The following SLC17A3 variants were observed in gnomAD, a reference collection of about 807,000 sequenced individuals.
SLC17A3 encodes solute carrier family 17 member 3.
In SLC17A3, 61 loss-of-function variants were observed where a neutral mutation model predicts 60.3. That is an observed-to-expected ratio of 1.01 (90% CI 0.82 to 1.25). SLC17A3 has a LOEUF of 1.25. Among genes scored for constraint, SLC17A3 ranks in the 50% most tolerant of loss-of-function variants. The pLI is 0.00. For synonymous variants in SLC17A3, 192 were observed against 208.9 expected (o/e 0.92, Z 0.70); for missense variants, 624 against 594.9 (o/e 1.05, Z -0.51).
At chr6:25,852,970 G>A (rs977541818) in intron 6 of SLC17A3, among the ~76,000 whole-genome samples, 1 of 152,078 alleles carries the variant, frequency 6.6e-6, no homozygotes, top group Non-Finnish European at 1.5e-5. Context: ...TAAATTATGT[G>A]GAAATAGTTT....
chr6:25,871,389 A>C (rs545431448), intron 1 of SLC17A3, among the ~76,000 whole-genome samples: 2 of 151,882 alleles, frequency 1.3e-5, no homozygotes, highest in South Asian at 4.2e-4. Context: ...TATCGCAAGG[A>C]CAAAAAACCA....
At chr6:25,861,558 G>C (rs1450078508) in intron 5 of SLC17A3, 66 bp downstream of exon 5, 3 of 1,295,182 alleles carry the variant, frequency 2.3e-6, no homozygotes, top group Non-Finnish European at 2.2e-6. Context: ...GCAATGAAAA[G>C]TTGTCAAGGA....
chr6:25,864,836 G>A (rs931575155), intron 2 of SLC17A3, among the ~76,000 whole-genome samples: 2 of 151,980 alleles, frequency 1.3e-5, no homozygotes, highest in South Asian at 2.1e-4. Flanking sequence ...TTGGGAAATT[G>A]AAATAAATAG....
chr6:25,857,305 G>C (rs1765373398), intron 5 of SLC17A3, among the ~76,000 whole-genome samples: 1 of 151,388 alleles, frequency 6.6e-6, no homozygotes, highest in Admixed American at 6.6e-5. Flanking sequence ...TTTGTGAACT[G>C]TCTGTTCATA....
intron 1 of SLC17A3, among the ~76,000 whole-genome samples, chr6:25,872,317 G>A (rs1372149884): frequency 1.5e-5 from 2 of 134,024 alleles, no homozygotes; most frequent in Non-Finnish European, 1.5e-5. Flanking sequence ...GCCATAATAC[G>A]AGCTTTAACG....
At chr6:25,850,253 A>C (rs771881676) in intron 8 of SLC17A3, 76 bp from the exon 9 acceptor site, 62 of 1,472,602 alleles carry the variant, frequency 4.2e-5, no homozygotes, top group Middle Eastern at 1.7e-4. Flanking sequence ...ATTACTACTA[A>C]TAATAATGAC....
intron 5 of SLC17A3, among the ~76,000 whole-genome samples, chr6:25,856,691 C>T (rs1173006121): frequency 6.6e-6 from 1 of 151,574 alleles, no homozygotes; most frequent in Non-Finnish European, 1.5e-5. Flanking sequence ...ATTAAAAATA[C>T]AAAAAATTAG....
chr6:25,859,205 T>C (rs1780966), intron 5 of SLC17A3, among the ~76,000 whole-genome samples: 36,950 of 152,050 alleles, frequency 0.24, 4,672 homozygotes, highest in African/African-American at 0.3. Flanking sequence ...TATCTTTGAA[T>C]ATAGATATAA....
rs151018667 is a variant in SLC17A3, at chr6:25,849,866, A to G, written c.1210T>C (p.Cys404Arg). The change falls in exon 10 of 13, where the codon TGC becomes CGC. Residue 404 changes from cysteine (C) to arginine (R), a missense_variant. Physicochemically the swap from Cys to Arg is radical, Grantham distance 180. Coordinates refer to ENST00000397060, the MANE Select transcript of SLC17A3 (RefSeq NM_001098486.2). ...ITATALLTLS[C>R]GLSTLCQSGI... ...GACTGACACAATGTGCTTAATCCGC[A>G]AGAGAGCGTCAGCAAGGCAGTTGCT... is the stretch of plus-strand genomic sequence containing the variant. The G allele has an allele frequency of 1.2e-6, 2 of 1,614,112 alleles. No homozygotes were observed. The highest frequency in any genetic ancestry group is 1.7e-6 in the Non-Finnish European group (2 of 1,179,916).
At position 25,845,300 on chromosome 6, in the gene SLC17A3, T is replaced by G; in HGVS notation, c.*3-2A>C. The G allele has an allele frequency of 6.4e-7, 1 of 1,555,694 alleles. No individual in the cohort carries two copies. The highest frequency in any genetic ancestry group is 2.2e-5 in the East Asian group (1 of 44,522). ...ACTTTTCCATCCAAGGTGGGATAACTAAGAAAGGAAAATGATATAGAATTT... is the reference window on the plus strand; with the variant it reads ...ACTTTTCCATCCAAGGTGGGATAACGAAGAAAGGAAAATGATATAGAATTT... On this transcript the variant is annotated splice_acceptor_variant, in intron 12 of 12. Coordinates refer to ENST00000397060, the MANE Select transcript of SLC17A3 (RefSeq NM_001098486.2). LOFTEE classifies it low-confidence loss of function (3UTR_SPLICE).
At chr6:25,863,388 G>A (rs1179473913) in intron 2 of SLC17A3, among the ~76,000 whole-genome samples, 1 of 151,990 alleles carries the variant, frequency 6.6e-6, no homozygotes, top group Non-Finnish European at 1.5e-5. Context: ...AATTTGAAGA[G>A]CAAATAAAAT....
At chr6:25,869,798 T>C (rs1765611486) in intron 1 of SLC17A3, among the ~76,000 whole-genome samples, 1 of 151,986 alleles carries the variant, frequency 6.6e-6, no homozygotes, top group South Asian at 2.1e-4. Flanking sequence ...GGGTATTATG[T>C]GGACCACAAT....
At chr6:25,864,232 C>T (rs886867968) in intron 2 of SLC17A3, among the ~76,000 whole-genome samples, 1 of 151,856 alleles carries the variant, frequency 6.6e-6, no homozygotes, top group African/African-American at 2.4e-5. Flanking sequence ...ATCATGAGGC[C>T]TGAATTGTTC....
At chr6:25,859,213 T>C (rs550794356) in intron 5 of SLC17A3, among the ~76,000 whole-genome samples, 1 of 152,260 alleles carries the variant, frequency 6.6e-6, no homozygotes, top group Admixed American at 6.5e-5. Flanking sequence ...AATATAGATA[T>C]AAAAGGATAT....
chr6:25,845,398 T>C lies in SLC17A3; in HGVS notation c.1481A>G (p.Lys494Arg). The change falls in exon 12 of 13, where the codon AAA (lysine) becomes AGA (arginine). Residue 494 changes from lysine to arginine, a missense_variant. Transcript: ENST00000397060. ...ADVQEWAKER[K>R]LTRL ...CCTTTACCTTCATAAACGAGTGAGT[T>C]TTCTCTCTTTAGCCCATTCTTGGAC... 6.2e-7 allele frequency: 1 copy of C among 1,614,012 alleles called. No homozygotes were observed. Among genetic ancestry groups the C allele is most frequent in the Non-Finnish European group, 8.5e-7 (1 of 1,179,936 alleles).
At chr6:25,855,469 GT>G (rs1765343974) in intron 5 of SLC17A3, among the ~76,000 whole-genome samples, 1 of 152,136 alleles carries the variant, frequency 6.6e-6, no homozygotes, top group Admixed American at 6.5e-5. Context: ...TTCCTCTCAT[GT>G]TCTTTTAATT....
intron 6 of SLC17A3, among the ~76,000 whole-genome samples, 198 bp downstream of exon 6, chr6:25,854,946 A>T (rs978425307): frequency 1.3e-5 from 2 of 152,250 alleles, no homozygotes; most frequent in Non-Finnish European, 2.9e-5. Context: ...TGGTGGGTTA[A>T]TAGCACTTTA....
chr6:25,855,217 T>C lies in SLC17A3; in HGVS notation c.639A>G (p.Gly213=), dbSNP rs540662111. ...CACCTATGAGGATGGCAGTAAAGCA[T>C]CCCAGTAACATTCCTGCAAAGAGAG... ...CSIALSGMLL[G]CFTAILIGGF... Residue 213 remains glycine (G), a synonymous_variant, in exon 6 of 13, where the codon GGA becomes GGG. Transcript: ENST00000397060. 6.2e-7 allele frequency: 1 copy of C among 1,612,960 alleles called. No individual in the cohort carries two copies. The highest frequency in any genetic ancestry group is 8.5e-7 in the Non-Finnish European group (1 of 1,179,304).
chr6:25,864,942 G>A (rs1230216658), intron 2 of SLC17A3, among the ~76,000 whole-genome samples: 1 of 151,914 alleles, frequency 6.6e-6, no homozygotes, highest in Non-Finnish European at 1.5e-5. Flanking sequence ...AGGAATGGGT[G>A]GTGGGATAAG....
Sources: allele counts gnomAD v4.1 joint callset (sites outside exome capture counted in the v4.1 genomes callset), GRCh38; gene constraint gnomAD v4.1.1; transcripts MANE v1.5; gene names NCBI Gene and HGNC (gene_info 2026-07-23, HGNC 2026-07-21).